Variants in DHRS12 observed in about 807,000 individuals in gnomAD.
The protein encoded by DHRS12 is dehydrogenase/reductase SDR family member 12.
In DHRS12, 29 loss-of-function variants were observed where a neutral mutation model predicts 32.1. The observed-to-expected ratio is 0.90, with a 90% confidence interval of 0.67 to 1.23. The LOEUF (loss-of-function observed/expected upper bound fraction) is 1.23. Among genes scored for constraint, DHRS12 ranks in the 50% most tolerant of loss-of-function variants. The probability of loss-of-function intolerance (pLI) is 0.00; values close to 1 mark genes in which losing one functional copy is unlikely to be tolerated. For missense variants in DHRS12, 330 were observed against 337.2 expected, an observed-to-expected ratio of 0.98 and a Z score of 0.17; for synonymous variants, 150 against 135.9, an observed-to-expected ratio of 1.10 and a Z score of -0.72.
In DHRS12 at chr13:51,791,111, C is replaced by T. The variant is rs377202658; in HGVS notation, c.219+54G>A. On this transcript the variant is annotated intron_variant, in intron 3 of 8. Coordinates refer to ENST00000444610, the MANE Select transcript of DHRS12 (RefSeq NM_001377533.1). ...ATACATATCCGTCCACATCCACAGA[C>T]GGAAACAATGGGCCAACATGAATTT... The T allele has an allele frequency of 1.1e-4, 144 of 1,310,194 alleles. 1 individual carries two copies. Among genetic ancestry groups the T allele is most frequent in the Non-Finnish European group, 1.3e-4 (120 of 940,704 alleles). 81.2% of individuals were successfully genotyped at this position (1,310,194 alleles called of 1,614,324 possible).
chr13:51,770,739 G>T, intron 7 of DHRS12: 1 of 1,001,462 alleles, frequency 1.0e-6, no homozygotes, highest in Non-Finnish European at 1.2e-6. Flanking sequence ...TTCTATAGGG[G>T]TGTGGTAGTT....
At chr13:51,789,775 T>C (rs890164076) in intron 4 of DHRS12, 3 of 985,126 alleles carry the variant, frequency 3.0e-6, no homozygotes, top group Non-Finnish European at 3.6e-6. Flanking sequence ...TAGCGCTTCC[T>C]AGGAAAAAAA....
At chr13:51,799,856 G>T (rs1955672173) in intron 1 of DHRS12, among the ~76,000 whole-genome samples, 189 bp from the exon 2 acceptor site, 1 of 151,996 alleles carries the variant, frequency 6.6e-6, no homozygotes, top group African/African-American at 2.4e-5. Context: ...GCATTTCCTG[G>T]ACCATGATCT....
rs946574478 is a variant in DHRS12 at position 51,782,089 on chromosome 13, G to A, written c.302-4968C>T. 1.3e-5 allele frequency among the ~76,000 whole-genome samples: 2 copies of A among 152,128 alleles called. No individual in the cohort carries two copies. Among genetic ancestry groups the A allele is most frequent in the African/African-American group, 4.8e-5 (2 of 41,430 alleles). On this transcript the variant is annotated intron_variant, in intron 4 of 8. Transcript: ENST00000444610. This position sits in a 1 kb window ranked among gnomAD's most constrained non-coding sequence, Gnocchi z 4.2. ...GGGGGTGTCAAGGACAAGCGGTGAC[G>A]GAGATGATGCTGGCCACTGGGGTGG...
At chr13:51,789,698 T>G in intron 4 of DHRS12, 1 of 985,458 alleles carries the variant, frequency 1.0e-6, no homozygotes, top group Non-Finnish European at 1.2e-6. Flanking sequence ...GGTTGCAGTT[T>G]TTAGACTTGC....
intron 4 of DHRS12, 80 bp from the exon 5 acceptor site, chr13:51,777,201 T>C: frequency 6.5e-7 from 1 of 1,535,306 alleles, no homozygotes; most frequent in Non-Finnish European, 9.0e-7. Flanking sequence ...ATGTGGGGAC[T>C]GTCTGCCCGC....
At chr13:51,773,417 G>C (rs9596573) in intron 6 of DHRS12, among the ~76,000 whole-genome samples, 1 of 152,024 alleles carries the variant, frequency 6.6e-6, no homozygotes, top group Non-Finnish European at 1.5e-5. Context: ...CAGCACTCAA[G>C]ATGATTTGGA....
chr13:51,792,057 C>T (rs560284389), intron 2 of DHRS12, among the ~76,000 whole-genome samples: 5 of 152,284 alleles, frequency 3.3e-5, no homozygotes, highest in South Asian at 4.1e-4. Context: ...CTGCAATGGA[C>T]GTGAAGGTGC....
intron 4 of DHRS12, among the ~76,000 whole-genome samples, chr13:51,786,000 T>G (rs951009589): frequency 6.6e-6 from 1 of 152,232 alleles, no homozygotes; most frequent in Non-Finnish European, 1.5e-5. Context: ...GTGCTCAGTA[T>G]GTGCTATTGT....
Position 51,773,612 on chromosome 13 carries a change from C to T in DHRS12, c.468+318G>A, listed in dbSNP as rs184726178. ...GCCGCCCAAAGGAGAGAGGAGGGAC[C>T]GCTCGCCGTCCTCATTCCCTCTGAG... On this transcript the variant is annotated intron_variant, in intron 6 of 8. Coordinates refer to ENST00000444610, the MANE Select transcript of DHRS12 (RefSeq NM_001377533.1). Among the ~76,000 whole-genome samples, 43 of 152,164 alleles carry T rather than the reference C, an allele frequency of 2.8e-4. No homozygotes were observed. In the East Asian group the frequency reaches 7.7e-3, roughly 27 times the overall value.
chr13:51,767,775 C>CT (rs1953799494), downstream of DHRS12: 2 of 29,102 alleles, frequency 6.9e-5, no homozygotes, highest in African/African-American at 4.4e-4. Context: ...CAGCCCTCTC[C>CT]TGGGGCGGGG....
chr13:51,786,456 A>G (rs1954961002), intron 4 of DHRS12, among the ~76,000 whole-genome samples: 1 of 151,992 alleles, frequency 6.6e-6, no homozygotes, highest in Non-Finnish European at 1.5e-5. Context: ...ACTGGAGGAG[A>G]CCTGAAACAA....
chr13:51,759,043 G>C, the DHRS12 span, among the ~76,000 whole-genome samples: 7 of 152,126 alleles, frequency 4.6e-5, no homozygotes, highest in Non-Finnish European at 7.3e-5. Context: ...TTAGCCAGAC[G>C]TGGTGGTTCC....
intron 5 of DHRS12, among the ~76,000 whole-genome samples, chr13:51,776,704 G>A (rs1053516751): frequency 6.6e-6 from 1 of 152,174 alleles, no homozygotes; most frequent in African/African-American, 2.4e-5. Context: ...GGCTCCAGTA[G>A]CCAGTCCCTT....
At chr13:51,755,339 C>G in the DHRS12 span, 4 of 1,613,378 alleles carry the variant, frequency 2.5e-6, no homozygotes, top group South Asian at 1.1e-5. Flanking sequence ...GTGACCTGTT[C>G]TGTGCTTTAT....
chr13:51,788,536 A>G (rs1334272106), intron 4 of DHRS12, among the ~76,000 whole-genome samples: 1 of 151,828 alleles, frequency 6.6e-6, no homozygotes, highest in Non-Finnish European at 1.5e-5. Flanking sequence ...TGCCAGGGAG[A>G]TGGAGCACGT....
At chr13:51,784,007 CT>C in intron 4 of DHRS12, among the ~76,000 whole-genome samples, 1 of 152,152 alleles carries the variant, frequency 6.6e-6, no homozygotes, top group Non-Finnish European at 1.5e-5. Context: ...TCTTACAAGT[CT>C]TTTTTAAATC....
At chr13:51,759,579 C>T in the DHRS12 span, among the ~76,000 whole-genome samples, 19 of 152,038 alleles carry the variant, frequency 1.2e-4, no homozygotes, top group Admixed American at 1.2e-3. Context: ...TTTATTTGAA[C>T]TTTTTTGATG....
chr13:51,797,949 A>G, intron 2 of DHRS12: 1 of 1,524,126 alleles, frequency 6.6e-7, no homozygotes, highest in Non-Finnish European at 8.8e-7. Context: ...TTACAGCGAG[A>G]GCTACAGAAA....
Sources: gnomAD v4.1 joint callset for allele counts (sites outside exome capture counted in the v4.1 genomes callset) on GRCh38, gnomAD v4.1.1 for gene constraint, Gnocchi (gnomAD v3.1) non-coding constraint, MANE v1.5 for transcripts, NCBI Gene and HGNC (gene_info 2026-07-23, HGNC 2026-07-21) for gene names.